Variants in COL26A1 observed in about 807,000 individuals in gnomAD.
COL26A1 encodes collagen alpha-1(XXVI) chain.
A neutral mutation model predicts 59.3 loss-of-function variants in COL26A1; 41 were observed. The observed-to-expected ratio is 0.69, with a 90% CI of 0.54 to 0.90. The LOEUF (loss-of-function observed/expected upper bound fraction) is 0.90, where lower values mean the gene tolerates loss of function less well. COL26A1 is among the 40% of genes least tolerant of loss of function. The probability of loss-of-function intolerance (pLI) is 0.00; values close to 1 mark genes in which losing one functional copy is unlikely to be tolerated. For missense variants in COL26A1, 612 were observed against 602.3 expected (o/e 1.02, Z -0.17); for synonymous variants, 266 against 256.0 (o/e 1.04, Z -0.37).
chr7:101,412,617 C>G (rs1003751042), intron 1 of COL26A1, among the ~76,000 whole-genome samples: 27 of 145,454 alleles, frequency 1.9e-4, no homozygotes, highest in African/African-American at 6.6e-4. Context: ...TGCCCTTCAG[C>G]CTGGGCCACA....
intron 3 of COL26A1, among the ~76,000 whole-genome samples, chr7:101,531,413 T>C (rs1169963205): frequency 6.6e-6 from 1 of 152,210 alleles, no homozygotes; most frequent in African/African-American, 2.4e-5. Flanking sequence ...GTCAGAAAAC[T>C]GTATATATTC....
chr7:101,363,825 C>T (rs976743248), intron 1 of COL26A1, among the ~76,000 whole-genome samples: 2 of 152,166 alleles, frequency 1.3e-5, no homozygotes, highest in African/African-American at 4.8e-5. Context: ...CTCTGCCGCT[C>T]ACCTGCGCGG....
rs1239585900 is a variant in COL26A1, at chr7:101,447,699, C to T, written c.297C>T (p.Ile99=). The T allele has an allele frequency of 1.3e-6, 2 of 1,599,910 alleles. No homozygotes were observed. The highest frequency in any genetic ancestry group is 2.3e-5 in the South Asian group (2 of 88,188). Residue 99 remains isoleucine (I), a synonymous_variant, in exon 3 of 13, where the codon ATC becomes ATT. Coordinates refer to ENST00000313669, the MANE Select transcript of COL26A1 (RefSeq NM_001278563.3). ...CANLVSYRTL[I]RPTYRVSYRT... is the part of the protein sequence containing the mutation. ...TGTGTGTTAGTTACAGGACTCTGATCAGACCCACCTACAGAGTGTCCTACC... is the reference window on the plus strand; with the variant it reads ...TGTGTGTTAGTTACAGGACTCTGATTAGACCCACCTACAGAGTGTCCTACC...
At chr7:101,387,754 T>TTA (rs1253686672) in intron 1 of COL26A1, among the ~76,000 whole-genome samples, 68 of 95,042 alleles carry the variant, frequency 7.2e-4, no homozygotes, top group Admixed American at 2.6e-3. Context: ...ATATATATAT[T>TTA]TATATATATA....
chr7:101,404,779 G>A (rs1792088494), intron 1 of COL26A1, among the ~76,000 whole-genome samples: 1 of 152,186 alleles, frequency 6.6e-6, no homozygotes, highest in African/African-American at 2.4e-5. Context: ...ATACGCGCCT[G>A]TGGTTCCAGC....
At chr7:101,531,181 C>A (rs1795361183) in intron 3 of COL26A1, among the ~76,000 whole-genome samples, 1 of 152,082 alleles carries the variant, frequency 6.6e-6, no homozygotes, top group Admixed American at 6.5e-5. Flanking sequence ...CCATGTTAGC[C>A]AGGATTGTCT....
In COL26A1 at chr7:101,557,463, T is replaced by C; in HGVS notation, c.1259T>C (p.Val420Ala). 6.2e-7 allele frequency: 1 copy of C among 1,613,540 alleles called. No individual in the cohort carries two copies. The highest frequency in any genetic ancestry group is 1.1e-5 in the South Asian group (1 of 91,058). The change falls in exon 13 of 13, where the codon GTC becomes GCC. Residue 420 changes from valine to alanine, a missense_variant. Val to Ala is a moderately conservative substitution (Grantham distance 64). Transcript: ENST00000313669. ...MKRGGAQPDG[V>A]LAALLGPDPG... is the part of the protein sequence containing the mutation. Reference sequence around the variant, plus strand: ...AGGGGTGGCGCCCAACCCGATGGGGTCCTTGCTGCCCTGCTTGGGCCCGAC... The same window carrying C: ...AGGGGTGGCGCCCAACCCGATGGGGCCCTTGCTGCCCTGCTTGGGCCCGAC...
chr7:101,539,769 C>G lies in COL26A1; in HGVS notation c.448-124C>G, dbSNP rs184800053. 6 of 969,042 alleles carry G rather than the reference C, an allele frequency of 6.2e-6. No individual in the cohort carries two copies. In the African/African-American group the frequency reaches 8.4e-5, roughly 14 times the overall value. The allele number at this position is 969,042 out of a possible 1,614,324, so 60.0% of individuals were successfully genotyped here. A position where few individuals can be genotyped will look rare whatever the true frequency, so the allele number is the denominator to read the frequency against. On this transcript the variant is annotated intron_variant, in intron 4 of 12. Coordinates refer to ENST00000313669, the MANE Select transcript of COL26A1 (RefSeq NM_001278563.3). ...GAGGTTCTCCCACTAAGGAGCGTGACGGGGCACACACAGCGTGGACAGCTG... is the reference window on the plus strand; with the variant it reads ...GAGGTTCTCCCACTAAGGAGCGTGAGGGGGCACACACAGCGTGGACAGCTG...
intron 1 of COL26A1, among the ~76,000 whole-genome samples, chr7:101,405,039 C>T (rs34304454): frequency 0.18 from 27,779 of 151,916 alleles, 2,884 homozygotes; most frequent in Non-Finnish European, 0.24. Context: ...CTGGCTAACA[C>T]GGTGAAACCC....
chr7:101,396,548 T>G (rs1230916058), intron 1 of COL26A1, among the ~76,000 whole-genome samples: 1 of 151,768 alleles, frequency 6.6e-6, no homozygotes, highest in Admixed American at 6.6e-5. Flanking sequence ...CTGCAACCTC[T>G]GCCTCCCGGG....
At chr7:101,425,755 C>T (rs1792630926) in intron 2 of COL26A1, among the ~76,000 whole-genome samples, 1 of 151,860 alleles carries the variant, frequency 6.6e-6, no homozygotes, top group African/African-American at 2.4e-5. Flanking sequence ...GATCGGCCTC[C>T]CTCGGCCTCC....
chr7:101,475,206 G>A (rs1054237407), intron 3 of COL26A1, among the ~76,000 whole-genome samples: 1 of 151,038 alleles, frequency 6.6e-6, no homozygotes, highest in Non-Finnish European at 1.5e-5. Context: ...AAATAAAAAA[G>A]GTATGACCTC....
intron 3 of COL26A1, among the ~76,000 whole-genome samples, chr7:101,510,547 A>C (rs922511607): frequency 3.9e-5 from 6 of 152,254 alleles, no homozygotes; most frequent in African/African-American, 9.6e-5. Flanking sequence ...CTGCAGAGAC[A>C]GGGCGAGCCT....
chr7:101,482,477 T>A (rs1372190185), intron 3 of COL26A1, among the ~76,000 whole-genome samples: 1 of 152,212 alleles, frequency 6.6e-6, no homozygotes, highest in South Asian at 2.1e-4. Flanking sequence ...GCTCTTATAT[T>A]GTGTGAGTTA....
At chr7:101,444,986 G>T (rs180943909) in intron 2 of COL26A1, among the ~76,000 whole-genome samples, 1 of 151,502 alleles carries the variant, frequency 6.6e-6, no homozygotes, top group Non-Finnish European at 1.5e-5. Context: ...GACTACAGGT[G>T]CCTGCCATCA....
chr7:101,401,553 A>G, intron 1 of COL26A1, among the ~76,000 whole-genome samples: 1 of 148,016 alleles, frequency 6.8e-6, no homozygotes, highest in Admixed American at 6.8e-5. Context: ...GAGGAAGAGT[A>G]GGAGGAAGAA....
chr7:101,540,472 AG>A (rs201599152), intron 5 of COL26A1, among the ~76,000 whole-genome samples: 7,062 of 149,590 alleles, frequency 0.047, 261 homozygotes, highest in Admixed American at 0.078. Flanking sequence ...CGGAAGGCGG[AG>A]GTTGCAGTGA....
rs780951635 is a variant in COL26A1, at chr7:101,425,114, C to T, written c.281+5015C>T. On this transcript the variant is annotated intron_variant, in intron 2 of 12. Transcript: ENST00000313669. ...ATTTAAAAAAAATTTTGGCCAGGCG[C>T]GGTGGCTCATGCCTGTAATCCTATA... Among the ~76,000 whole-genome samples, 4 of 147,398 alleles carry T rather than the reference C, an allele frequency of 2.7e-5. 1 individual carries two copies. Among genetic ancestry groups the T allele is most frequent in the Non-Finnish European group, 6.2e-5 (4 of 64,666 alleles).
At chr7:101,442,076 AT>A (rs1416305347) in intron 2 of COL26A1, among the ~76,000 whole-genome samples, 1 of 152,142 alleles carries the variant, frequency 6.6e-6, no homozygotes, top group Non-Finnish European at 1.5e-5. Context: ...GAGGGACCTG[AT>A]TTTTTGGCAT....
Sources: gnomAD v4.1 joint callset for allele counts (sites outside exome capture counted in the v4.1 genomes callset) on GRCh38, gnomAD v4.1.1 for gene constraint, MANE v1.5 for transcripts, NCBI Gene and HGNC (gene_info 2026-07-23, HGNC 2026-07-21) for gene names.